MCPH1: variants seen among roughly 807,000 people sequenced by gnomAD.
MCPH1 encodes microcephalin 1.
In MCPH1, 104 loss-of-function variants were observed where a neutral mutation model predicts 84.5. The ratio of observed to expected loss-of-function variants is 1.23; its 90% CI spans 1.05 to 1.45. The LOEUF (loss-of-function observed/expected upper bound fraction) is 1.45. Among genes scored for constraint, MCPH1 ranks in the 40% most tolerant of loss-of-function variants. The pLI, the probability that MCPH1 is intolerant of heterozygous loss-of-function variation, is 0.00. For missense variants in MCPH1, 1,498 were observed against 1,005.7 expected, an observed-to-expected ratio of 1.49 and a Z score of -6.62; for synonymous variants, 514 against 366.8, an observed-to-expected ratio of 1.40 and a Z score of -4.58.
At chr8:6,441,093 G>C (rs1016223165) in intron 6 of MCPH1, among the ~76,000 whole-genome samples, 1 of 152,112 alleles carries the variant, frequency 6.6e-6, no homozygotes, top group African/African-American at 2.4e-5. Flanking sequence ...GTGGTCATAT[G>C]GCCACCCCTT....
At chr8:6,581,497 T>G (rs1019874046) in intron 12 of MCPH1, among the ~76,000 whole-genome samples, 2 of 152,246 alleles carry the variant, frequency 1.3e-5, no homozygotes, top group African/African-American at 2.4e-5. Context: ...TATTCCTTTT[T>G]AAAAATTATT....
At chr8:6,505,709 G>A (rs1262063226) in intron 12 of MCPH1, among the ~76,000 whole-genome samples, 10 of 80,668 alleles carry the variant, frequency 1.2e-4, no homozygotes, top group East Asian at 5.1e-4. Flanking sequence ...TCTTTATTAC[G>A]TATATATATT....
At chr8:6,546,266 C>G (rs1822561958) in intron 12 of MCPH1, among the ~76,000 whole-genome samples, 1 of 152,132 alleles carries the variant, frequency 6.6e-6, no homozygotes, top group Admixed American at 6.5e-5. Flanking sequence ...CAAGGGCAAC[C>G]CAGCAGTGTT....
At chr8:6,454,901 T>C (rs1805511345) in intron 8 of MCPH1, among the ~76,000 whole-genome samples, 1 of 152,218 alleles carries the variant, frequency 6.6e-6, no homozygotes, top group South Asian at 2.1e-4. Flanking sequence ...TGGACGGAGT[T>C]GATGCTGTAG....
chr8:6,501,375 TC>T (rs772194603), intron 12 of MCPH1: 1 of 152,128 alleles, frequency 6.6e-6, no homozygotes, highest in South Asian at 2.1e-4. Context: ...ACTCTGAACT[TC>T]CTTGCAAATG....
intron 12 of MCPH1, among the ~76,000 whole-genome samples, chr8:6,530,885 G>A (rs922916742): frequency 1.3e-5 from 2 of 152,150 alleles, no homozygotes; most frequent in African/African-American, 4.8e-5. Flanking sequence ...CAGGGCTTAT[G>A]GCATCTCCCC....
intron 11 of MCPH1, among the ~76,000 whole-genome samples, chr8:6,490,585 C>G (rs1041294163): frequency 2.0e-5 from 3 of 152,076 alleles, no homozygotes; most frequent in Non-Finnish European, 4.4e-5. Context: ...AACTGTTGTA[C>G]TTTTTTCAAA....
At chr8:6,542,623 G>A (rs1238320272) in intron 12 of MCPH1, among the ~76,000 whole-genome samples, 1 of 151,700 alleles carries the variant, frequency 6.6e-6, no homozygotes, top group East Asian at 1.9e-4. Flanking sequence ...TGCTGTCTGA[G>A]GAGCATTAAC....
chr8:6,407,920 A>G (rs1036592948), intron 1 of MCPH1, among the ~76,000 whole-genome samples: 1 of 152,166 alleles, frequency 6.6e-6, no homozygotes, highest in Non-Finnish European at 1.5e-5. Flanking sequence ...TCACATTCAC[A>G]TTTCCTTCTC....
chr8:6,622,417 T>G (rs1181050569), intron 13 of MCPH1, among the ~76,000 whole-genome samples: 10 of 152,210 alleles, frequency 6.6e-5, no homozygotes, highest in Non-Finnish European at 1.3e-4. Flanking sequence ...GCCTGGGGAA[T>G]GCGGAGGAAG....
intron 12 of MCPH1, among the ~76,000 whole-genome samples, chr8:6,589,177 G>A (rs1828245248): frequency 6.6e-6 from 1 of 152,218 alleles, no homozygotes; most frequent in South Asian, 2.1e-4. Context: ...GTCAGGAAAT[G>A]TAGTGACATA....
intron 12 of MCPH1, among the ~76,000 whole-genome samples, chr8:6,569,030 G>A (rs1036658968): frequency 1.1e-4 from 16 of 152,124 alleles, no homozygotes; most frequent in African/African-American, 3.6e-4. Flanking sequence ...AAGCTGGGAG[G>A]GACTTTTGAG....
intron 9 of MCPH1, among the ~76,000 whole-genome samples, chr8:6,457,062 G>C (rs752090658): frequency 3.9e-5 from 6 of 152,170 alleles, no homozygotes; most frequent in Non-Finnish European, 8.8e-5. Flanking sequence ...TGGTCAGAGA[G>C]GGAGACAAAA....
At chr8:6,456,868 TAGGGAC>T (rs1372732814) in intron 9 of MCPH1, among the ~76,000 whole-genome samples, 1 of 152,178 alleles carries the variant, frequency 6.6e-6, no homozygotes, top group Non-Finnish European at 1.5e-5. Flanking sequence ...AGCACTGGGT[TAGGGAC>T]AGGCATCCTG....
At chr8:6,489,250 A>G (rs192304615) in intron 11 of MCPH1, among the ~76,000 whole-genome samples, 3 of 152,228 alleles carry the variant, frequency 2.0e-5, no homozygotes, top group Admixed American at 2.0e-4. Flanking sequence ...GAATGAAGAA[A>G]TGAAGAAAAC....
intron 12 of MCPH1, among the ~76,000 whole-genome samples, chr8:6,611,762 G>GCA (rs1830291819): frequency 4.6e-5 from 7 of 152,306 alleles, no homozygotes; most frequent in Admixed American, 4.6e-4. Context: ...GGGACTACAG[G>GCA]CGTCCGCCAC....
At chr8:6,421,972 C>T (rs1800270909) in intron 3 of MCPH1, among the ~76,000 whole-genome samples, 1 of 152,244 alleles carries the variant, frequency 6.6e-6, no homozygotes, top group African/African-American at 2.4e-5. Context: ...CTCCTTTATA[C>T]ATGTTGCATT....
intron 12 of MCPH1, among the ~76,000 whole-genome samples, chr8:6,564,987 A>G (rs527966665): frequency 6.6e-6 from 1 of 152,330 alleles, no homozygotes; most frequent in South Asian, 2.1e-4. Context: ...AAGAGGTAGT[A>G]TGATTCCACC....
At chr8:6,550,910 G>C (rs1244600311) in intron 12 of MCPH1, among the ~76,000 whole-genome samples, 1 of 152,144 alleles carries the variant, frequency 6.6e-6, no homozygotes, top group Admixed American at 6.5e-5. Context: ...CACAATTACA[G>C]CCCAAGGAGC....
Sources: allele counts gnomAD v4.1 joint callset (sites outside exome capture counted in the v4.1 genomes callset), GRCh38; gene constraint gnomAD v4.1.1; transcripts MANE v1.5; gene names NCBI Gene and HGNC (gene_info 2026-07-23, HGNC 2026-07-21).